The following THSD4 variants were observed in gnomAD, a reference collection of about 807,000 sequenced individuals.
THSD4 encodes the protein thrombospondin type-1 domain-containing protein 4.
In THSD4, 69 loss-of-function variants were observed where a neutral mutation model predicts 119.0. The observed-to-expected ratio is 0.58, with a 90% CI of 0.48 to 0.71. The LOEUF (loss-of-function observed/expected upper bound fraction) is 0.71. THSD4 is among the 30% of genes least tolerant of loss of function. THSD4 has a pLI of 0.00. For synonymous variants in THSD4, 524 were observed against 540.4 expected (o/e 0.97, Z 0.42); for missense variants, 1,393 against 1,391.1 (o/e 1.00, Z -0.02).
intron 4 of THSD4, among the ~76,000 whole-genome samples, chr15:71,235,436 C>T (rs2044095587): frequency 6.6e-6 from 1 of 152,174 alleles, no homozygotes; most frequent in Non-Finnish European, 1.5e-5. Context: ...AGTACGGGGA[C>T]TTAGATTCCC....
At chr15:71,695,637 A>G (rs1251739183) in intron 8 of THSD4, among the ~76,000 whole-genome samples, 1 of 152,130 alleles carries the variant, frequency 6.6e-6, no homozygotes, top group African/African-American at 2.4e-5. Flanking sequence ...TGACCACTAC[A>G]GAGACAGGTA....
chr15:71,154,816 C>T (rs1301501908), intron 2 of THSD4, 47 bp from the exon 3 acceptor site: 3 of 1,593,236 alleles, frequency 1.9e-6, no homozygotes, highest in East Asian at 2.2e-5. Context: ...GGTGCTGCTG[C>T]CTGGAACATA....
chr15:71,717,775 G>T (rs184152177), intron 8 of THSD4, among the ~76,000 whole-genome samples: 79 of 152,236 alleles, frequency 5.2e-4, no homozygotes, highest in African/African-American at 1.7e-3. Context: ...CATGAGAGGG[G>T]GCTGCCAGCA....
At chr15:71,576,887 C>A (rs1465930816) in intron 7 of THSD4, among the ~76,000 whole-genome samples, 2 of 152,104 alleles carry the variant, frequency 1.3e-5, no homozygotes, top group African/African-American at 2.4e-5. Context: ...AGCTTGATAT[C>A]TTTTCTGTTT....
intron 3 of THSD4, among the ~76,000 whole-genome samples, chr15:71,158,107 C>T (rs1407183794): frequency 3.4e-5 from 5 of 148,928 alleles, no homozygotes; most frequent in East Asian, 4.0e-4. Context: ...ACCCACAGTA[C>T]GTAAGTGTTC....
chr15:71,500,874 T>C (rs1336477055), intron 7 of THSD4, among the ~76,000 whole-genome samples: 1 of 152,256 alleles, frequency 6.6e-6, no homozygotes, highest in Non-Finnish European at 1.5e-5. Flanking sequence ...TTCTGATTAC[T>C]GTAGCTTTGT....
intron 7 of THSD4, among the ~76,000 whole-genome samples, chr15:71,626,446 G>C (rs71395024): frequency 6.6e-6 from 1 of 152,150 alleles, no homozygotes; most frequent in African/African-American, 2.4e-5. Flanking sequence ...GGTTTCTGTG[G>C]AGGTAGGTTC....
intron 8 of THSD4, among the ~76,000 whole-genome samples, chr15:71,720,822 C>A (rs1020822410): frequency 6.6e-6 from 1 of 152,232 alleles, no homozygotes; most frequent in South Asian, 2.1e-4. Flanking sequence ...TCGGTTTGTT[C>A]GGCTACTTAC....
intron 3 of THSD4, among the ~76,000 whole-genome samples, chr15:71,181,085 G>T (rs534195122): frequency 6.6e-6 from 1 of 152,144 alleles, no homozygotes; most frequent in Non-Finnish European, 1.5e-5. Context: ...ATAGCACAGG[G>T]CGTGCACTCA....
rs560519900 is a variant in THSD4, at chr15:71,368,126, G to A, written c.1016-43561G>A. ...CATATCCTTCGCCCACTTTTTGATGGGGTTGTTTGTTTTTTTCTTGTAAAT... is the reference window on the plus strand; with the variant it reads ...CATATCCTTCGCCCACTTTTTGATGAGGTTGTTTGTTTTTTTCTTGTAAAT... On this transcript the variant is annotated intron_variant, in intron 6 of 17. Coordinates refer to ENST00000261862, the MANE Select transcript of THSD4 (RefSeq NM_024817.3). 1.5e-3 allele frequency among the ~76,000 whole-genome samples: 223 copies of A among 152,152 alleles called. 8 individuals are homozygous for A. The South Asian group carries it at 0.044, about 30-fold the overall frequency.
intron 7 of THSD4, among the ~76,000 whole-genome samples, chr15:71,438,311 C>T (rs1474426122): frequency 2.3e-5 from 3 of 131,700 alleles, no homozygotes; most frequent in African/African-American, 2.7e-5. Context: ...TTAACTTATG[C>T]CTTTGCTTAT....
intron 7 of THSD4, among the ~76,000 whole-genome samples, chr15:71,652,069 A>C (rs115395441): frequency 2.6e-5 from 4 of 152,176 alleles, no homozygotes; most frequent in Non-Finnish European, 5.9e-5. Context: ...TGTGCAAGCA[A>C]CCTCCATCCT....
At chr15:71,384,850 C>G (rs1206894390) in intron 6 of THSD4, among the ~76,000 whole-genome samples, 1 of 152,172 alleles carries the variant, frequency 6.6e-6, no homozygotes, top group East Asian at 1.9e-4. Context: ...AAGTGGAGTA[C>G]TCAATTCTTC....
chr15:71,777,325 C>T lies in THSD4; in HGVS notation c.3008C>T (p.Ser1003Phe), dbSNP rs1479525239. The change falls in exon 18 of 18, where the codon TCC (serine) becomes TTC (phenylalanine). Residue 1003 changes from serine to phenylalanine, a missense_variant. Ser to Phe is a radical substitution (Grantham distance 155). Coordinates refer to ENST00000261862, the MANE Select transcript of THSD4 (RefSeq NM_024817.3). ...TACTACAAGACCGCCTGCTGTGCCT[C>T]CTGCACCCGTGTGGCCAACAGGCAG... ...YNYYKTACCA[S>F]CTRVANRQTG... The T allele has an allele frequency of 2.5e-6, 4 of 1,614,240 alleles. No homozygotes were observed. The highest frequency in any genetic ancestry group is 3.3e-5 in the Admixed American group (2 of 60,030).
chr15:71,225,920 C>A (rs2044014536), intron 4 of THSD4, among the ~76,000 whole-genome samples: 1 of 152,038 alleles, frequency 6.6e-6, no homozygotes, highest in Admixed American at 6.5e-5. Context: ...TCTTCAATTC[C>A]CTCCATTCAG....
intron 6 of THSD4, among the ~76,000 whole-genome samples, chr15:71,358,059 C>A (rs189866895): frequency 7.3e-4 from 111 of 152,338 alleles, no homozygotes; most frequent in Middle Eastern, 3.4e-3. Context: ...GGCCAGATCC[C>A]ATTTTCAGGT....
chr15:71,511,026 G>T (rs992206573), intron 7 of THSD4, among the ~76,000 whole-genome samples: 3 of 152,136 alleles, frequency 2.0e-5, no homozygotes. Flanking sequence ...CTTATGTTTG[G>T]TGATGTGATA....
At chr15:71,246,722 T>G (rs2044204264) in intron 5 of THSD4, among the ~76,000 whole-genome samples, 1 of 152,112 alleles carries the variant, frequency 6.6e-6, no homozygotes, top group African/African-American at 2.4e-5. Flanking sequence ...AAGGAAGTAT[T>G]ATTATTTTGT....
chr15:71,422,467 T>C (rs2046821061), intron 7 of THSD4, among the ~76,000 whole-genome samples: 2 of 152,166 alleles, frequency 1.3e-5, no homozygotes, highest in Admixed American at 1.3e-4. Context: ...GTGGTCTTAA[T>C]ATAAGTTCCA....
Sources: allele counts gnomAD v4.1 joint callset (sites outside exome capture counted in the v4.1 genomes callset), GRCh38; gene constraint gnomAD v4.1.1; transcripts MANE v1.5; gene names NCBI Gene and HGNC (gene_info 2026-07-23, HGNC 2026-07-21).